The following CHD8 variants were observed in gnomAD, a reference collection of about 807,000 sequenced individuals.
CHD8 encodes chromodomain helicase DNA binding protein 8, also known as ATP-dependent chromatin remodeler CHD8.
In CHD8, 31 loss-of-function variants were observed where a neutral mutation model predicts 279.2. That is an observed-to-expected ratio of 0.11 (90% CI 0.08 to 0.15). The LOEUF is 0.15. CHD8 is among the 10% of genes least tolerant of loss of function. The pLI, the probability that CHD8 is intolerant of heterozygous loss-of-function variation, is 1.00. For missense variants in CHD8, 2,146 were observed against 3,230.5 expected (o/e 0.66, Z 8.14); for synonymous variants, 1,081 against 1,139.6 (o/e 0.95, Z 1.04).
In CHD8 at chr14:21,393,605, C is replaced by T. The variant is rs779756082; in HGVS notation, c.6190G>A (p.Glu2064Lys). Reference protein sequence around the residue: ...VSRSVPPVKLEDEDDSDSELD... With the variant: ...VSRSVPPVKLKDEDDSDSELD... ...TCAGAGTCCGAATCATCCTCATCCT[C>T]CAGTTTGACTGGTGGAACACTCCGG... The change falls in exon 32 of 38, where the codon GAG becomes AAG. Residue 2064 changes from glutamate (E) to lysine (K), a missense_variant. Coordinates refer to ENST00000646647, the MANE Select transcript of CHD8 (RefSeq NM_001170629.2). The T allele has an allele frequency of 9.9e-6, 16 of 1,613,904 alleles. No homozygotes were observed. The South Asian group carries it at 1.2e-4, about 12-fold the overall frequency.
At chr14:21,392,014 T>C in intron 34 of CHD8, 68 bp from the exon 35 acceptor site, 2 of 1,152,302 alleles carry the variant, frequency 1.7e-6, no homozygotes, top group Non-Finnish European at 2.6e-6. Flanking sequence ...GATTAAGCTT[T>C]GAGGGATGTG....
intron 1 of CHD8, among the ~76,000 whole-genome samples, chr14:21,452,674 AC>A (rs1380209740): frequency 1.3e-5 from 2 of 151,898 alleles, no homozygotes; most frequent in African/African-American, 4.8e-5. Flanking sequence ...ACTTCATACA[AC>A]AATCCCATTA....
At chr14:21,418,363 C>CA (rs1237189402) in intron 5 of CHD8, among the ~76,000 whole-genome samples, 2 of 150,392 alleles carry the variant, frequency 1.3e-5, no homozygotes, top group Non-Finnish European at 3.0e-5. Flanking sequence ...ACTAAAAATA[C>CA]AAAAAAATGA....
At chr14:21,429,642 C>T in intron 2 of CHD8, 1 of 435,814 alleles carries the variant, frequency 2.3e-6, no homozygotes, top group Non-Finnish European at 4.4e-6. Flanking sequence ...CCTTAGGCAA[C>T]CTGGTGGTCC....
chr14:21,419,628 G>T, intron 5 of CHD8: 1 of 194,920 alleles, frequency 5.1e-6, no homozygotes, highest in South Asian at 7.0e-5. Flanking sequence ...CCATGTCTAG[G>T]GACAGCAACT....
chr14:21,452,261 C>A lies in CHD8; in HGVS notation c.-216+3771G>T, dbSNP rs536875697. Among the ~76,000 whole-genome samples the A allele has an allele frequency of 1.5e-4, 23 of 152,168 alleles. No individual in the cohort carries two copies. In the East Asian group the frequency reaches 4.5e-3, roughly 30 times the overall value. On this transcript the variant is annotated intron_variant, in intron 1 of 37. Transcript: ENST00000646647. The stretch of plus-strand genomic sequence containing the variant: ...GTTTCACCATGTTGGCTAGGATGCC[C>A]GCCTTGGCCTCCCAAAGTGCTGGGA...
At chr14:21,409,282 G>A (rs1475370162) in intron 11 of CHD8, among the ~76,000 whole-genome samples, 2 of 152,108 alleles carry the variant, frequency 1.3e-5, no homozygotes, top group Non-Finnish European at 2.9e-5. Flanking sequence ...AAGTACCAAG[G>A]GTAATCAGCA....
intron 31 of CHD8, 23 bp from the exon 32 acceptor site, chr14:21,394,218 A>G: frequency 6.2e-7 from 1 of 1,610,910 alleles, no homozygotes; most frequent in Non-Finnish European, 8.5e-7. Context: ...GGAGTAGAAG[A>G]AATTAACAGA....
At chr14:21,442,327 G>A (rs981833414) in intron 1 of CHD8, among the ~76,000 whole-genome samples, 6 of 152,128 alleles carry the variant, frequency 3.9e-5, no homozygotes, top group Middle Eastern at 6.8e-3. Context: ...TTAGCCAGGC[G>A]TGTGACACAG....
At chr14:21,446,480 T>G (rs892436977) in intron 1 of CHD8, among the ~76,000 whole-genome samples, 10 of 152,050 alleles carry the variant, frequency 6.6e-5, no homozygotes, top group African/African-American at 2.4e-4. Context: ...CTCGGCTAGT[T>G]TTGCATTTTT....
intron 1 of CHD8, among the ~76,000 whole-genome samples, chr14:21,435,529 A>G (rs1426436086): frequency 6.6e-6 from 1 of 152,140 alleles, no homozygotes; most frequent in Non-Finnish European, 1.5e-5. Context: ...CATTTCTATA[A>G]TAAACTGTCT....
At position 21,400,125 on chromosome 14, in the gene CHD8, A is replaced by G; in HGVS notation, c.4727+26T>C. The G allele has an allele frequency of 6.2e-7, 1 of 1,613,722 alleles. No homozygotes were observed. The highest frequency in any genetic ancestry group is 8.5e-7 in the Non-Finnish European group (1 of 1,179,698). ...GTAACACTGTAGAAGTTTGAGGTGGAAAATGTCTGCTAATTCTATGCTTAC... is the reference window on the plus strand; with the variant it reads ...GTAACACTGTAGAAGTTTGAGGTGGGAAATGTCTGCTAATTCTATGCTTAC... On this transcript the variant is annotated intron_variant, in intron 24 of 37. Coordinates refer to ENST00000646647, the MANE Select transcript of CHD8 (RefSeq NM_001170629.2). This position sits in a 1 kb window ranked among gnomAD's most constrained non-coding sequence, Gnocchi z 4.2.
At chr14:21,392,259 T>C (rs764875493) in intron 34 of CHD8, 1 of 761,458 alleles carries the variant, frequency 1.3e-6, no homozygotes, top group Non-Finnish European at 2.4e-6. Context: ...AGGGGCAAAA[T>C]CCTGCTATTC....
chr14:21,429,059 T>G lies in CHD8; in HGVS notation c.1120A>C (p.Thr374Pro). ...TGAGCCTGCTGTACAGAGGACAGAG[T>G]CACTGGCTGGGTGGAGGGTGGCTGC... is the stretch of plus-strand genomic sequence containing the variant. Reference protein sequence around the residue: ...PQQPPSTQPVTLSSVQQAQIM... With the variant: ...PQQPPSTQPVPLSSVQQAQIM... The change falls in exon 3 of 38, where the codon ACT (threonine) becomes CCT (proline). Residue 374 changes from threonine (T) to proline (P), a missense_variant. By Grantham distance (38) the Thr-to-Pro change is conservative (BLOSUM62 -1). This residue lies in a region of CHD8 where 170 missense variants were observed against 189.9 expected (regional missense o/e 0.90). Coordinates refer to ENST00000646647, the MANE Select transcript of CHD8 (RefSeq NM_001170629.2). 6.2e-7 allele frequency: 1 copy of G among 1,613,954 alleles called. No individual in the cohort carries two copies. The highest frequency in any genetic ancestry group is 8.5e-7 in the Non-Finnish European group (1 of 1,179,894).
At chr14:21,455,054 G>C (rs1185535611) in intron 1 of CHD8, 7 of 152,220 alleles carry the variant, frequency 4.6e-5, no homozygotes, top group Non-Finnish European at 1.0e-4. Context: ...GAGATGAAAC[G>C]ATCTGTAGAC....
chr14:21,431,292 C>T lies in CHD8; in HGVS notation c.352G>A (p.Gly118Arg), dbSNP rs775464118. The change falls in exon 2 of 38, where the codon GGA (glycine) becomes AGA (arginine). Residue 118 changes from glycine (G) to arginine (R), a missense_variant. Physicochemically the swap from Gly to Arg is moderately radical, Grantham distance 125. Transcript: ENST00000646647. ...TGGCTCTTGGAGACTTGCAAAAGTC[C>T]TGATGTTGGCGTCGATGTCTGTAAG... Reference protein sequence around the residue: ...PVLQTSTPTSGLLQVSKSQEI... With the variant: ...PVLQTSTPTSRLLQVSKSQEI... The T allele has an allele frequency of 6.4e-7, 1 of 1,570,760 alleles. No homozygotes were observed. Among genetic ancestry groups the T allele is most frequent in the Non-Finnish European group, 8.6e-7 (1 of 1,165,492 alleles).
intron 26 of CHD8, chr14:21,398,895 C>A (rs765130558): frequency 4.0e-5 from 11 of 278,370 alleles, no homozygotes; most frequent in Non-Finnish European, 7.4e-5. Flanking sequence ...AGCTCTTTCT[C>A]TTTAGTGAGG....
chr14:21,440,877 G>T (rs1889941760), intron 1 of CHD8, among the ~76,000 whole-genome samples: 1 of 152,174 alleles, frequency 6.6e-6, no homozygotes. Context: ...AGAGGACACA[G>T]AAGCAGTTAG....
At chr14:21,448,172 G>A (rs1890172250) in intron 1 of CHD8, among the ~76,000 whole-genome samples, 3 of 152,182 alleles carry the variant, frequency 2.0e-5, no homozygotes, top group Admixed American at 1.3e-4. Flanking sequence ...TGCTAAAAGA[G>A]TATGTGTGGG....
Sources: gnomAD v4.1 joint callset for allele counts (sites outside exome capture counted in the v4.1 genomes callset) on GRCh38, gnomAD v4.1.1 for gene constraint, gnomAD v4.1.1 regional missense constraint, Gnocchi (gnomAD v3.1) non-coding constraint, MANE v1.5 for transcripts, NCBI Gene and HGNC (gene_info 2026-07-23, HGNC 2026-07-21) for gene names.